Variants in KRT79 observed in about 807,000 individuals in gnomAD.
KRT79 encodes the protein keratin, type II cytoskeletal 79.
In KRT79, 51 loss-of-function variants were observed where a neutral mutation model predicts 49.0. That is an observed-to-expected ratio of 1.04 (90% CI 0.83 to 1.31). The LOEUF is 1.31. KRT79 is among the 40% of genes most tolerant of loss of function. The pLI, the probability that KRT79 is intolerant of heterozygous loss-of-function variation, is 0.00. For synonymous variants in KRT79, 312 were observed against 286.6 expected, an observed-to-expected ratio of 1.09 and a Z score of -0.90; for missense variants, 728 against 688.0, an observed-to-expected ratio of 1.06 and a Z score of -0.65.
At position 52,822,043 on chromosome 12, in the gene KRT79, A is replaced by G. The variant is rs1427664009; in HGVS notation, c.1437T>C (p.Gly479=). Residue 479 remains glycine (G), a synonymous_variant, in exon 9 of 9, where the codon GGT becomes GGC. Transcript: ENST00000330553. ...TGCCACCTCCAAAGCTGGCTGCGCCACCTCCGCACACAGTGGTGGAGTTGC... is the reference window on the plus strand; with the variant it reads ...TGCCACCTCCAAAGCTGGCTGCGCCGCCTCCGCACACAGTGGTGGAGTTGC... ...VTGNSTTVCG[G]GAASFGGGIS... is the part of the protein sequence containing the mutation. 14 of 1,614,100 alleles carry G rather than the reference A, an allele frequency of 8.7e-6. No homozygotes were observed. Among genetic ancestry groups the G allele is most frequent in the African/African-American group, 1.3e-5 (1 of 75,052 alleles).
intron 6 of KRT79, 105 bp from the exon 7 acceptor site, chr12:52,823,341 A>G (rs757944305): frequency 4.6e-6 from 4 of 874,698 alleles, no homozygotes; most frequent in Admixed American, 2.1e-5. Flanking sequence ...CCTGCCCCCA[A>G]CCAGCTGGGA....
At chr12:52,829,910 T>C in intron 4 of KRT79, 113 bp downstream of exon 4, 5 of 873,488 alleles carry the variant, frequency 5.7e-6, no homozygotes, top group South Asian at 4.6e-5. Context: ...AGTGTTAAGG[T>C]TTCATCTTCC....
intron 2 of KRT79, 27 bp downstream of exon 2, chr12:52,831,379 T>C (rs200346502): frequency 1.2e-6 from 2 of 1,606,782 alleles, no homozygotes; most frequent in Admixed American, 1.7e-5. Context: ...CACTCCCACA[T>C]GGCCCCGCCT....
intron 4 of KRT79, among the ~76,000 whole-genome samples, chr12:52,828,235 A>C (rs1215705332): frequency 6.6e-6 from 1 of 152,238 alleles, no homozygotes; most frequent in African/African-American, 2.4e-5. Context: ...CAAGCCTTCC[A>C]TAGCATTCTT....
At chr12:52,826,512 C>CAAAA (rs34000434) in intron 4 of KRT79, among the ~76,000 whole-genome samples, 5 of 102,526 alleles carry the variant, frequency 4.9e-5, no homozygotes, top group African/African-American at 1.5e-4. Context: ...GACCCTGTCT[C>CAAAA]AAAAAAAAAA....
At chr12:52,822,220 T>C (rs1406748443) in intron 8 of KRT79, 125 bp downstream of exon 8, 3 of 1,290,390 alleles carry the variant, frequency 2.3e-6, no homozygotes, top group Non-Finnish European at 3.3e-6. Context: ...TAGGACCCTC[T>C]GAACCTGTCT....
chr12:52,828,639 C>G (rs186015092), intron 4 of KRT79, among the ~76,000 whole-genome samples: 1 of 152,318 alleles, frequency 6.6e-6, no homozygotes, highest in Non-Finnish European at 1.5e-5. Flanking sequence ...TACCCACATA[C>G]AGGAAGTTGG....
intron 8 of KRT79, 85 bp from the exon 9 acceptor site, chr12:52,822,162 C>T (rs1438291700): frequency 1.4e-6 from 2 of 1,432,330 alleles, no homozygotes; most frequent in South Asian, 2.4e-5. Flanking sequence ...GGAATCAGAA[C>T]AAAATCAAGC....
chr12:52,824,619 T>G (rs1940151941), intron 4 of KRT79, among the ~76,000 whole-genome samples: 1 of 152,226 alleles, frequency 6.6e-6, no homozygotes, highest in Admixed American at 6.5e-5. Flanking sequence ...GTAAAGAGAA[T>G]GTGTACTCTC....
Position 52,834,018 on chromosome 12 carries a change from C to A in KRT79, c.243G>T (p.Leu81Phe). 1.9e-6 allele frequency: 3 copies of A among 1,612,860 alleles called. No homozygotes were observed. Among genetic ancestry groups the A allele is most frequent in the Non-Finnish European group, 2.5e-6 (3 of 1,179,414 alleles). ...ISVSVAGGAL[L>F]GRALGGFGFG... is the part of the protein sequence containing the mutation. Reference sequence around the variant, plus strand: ...AGCCAAAGCCCCCCAGAGCCCGCCCCAACAAGGCCCCTCCGGCCACACTGA... The same window carrying A: ...AGCCAAAGCCCCCCAGAGCCCGCCCAAACAAGGCCCCTCCGGCCACACTGA... Residue 81 changes from leucine to phenylalanine, a missense_variant, in exon 1 of 9, where the codon TTG becomes TTT. Coordinates refer to ENST00000330553, the MANE Select transcript of KRT79 (RefSeq NM_175834.3).
At chr12:52,822,204 C>A (rs373284888) in intron 8 of KRT79, 127 bp from the exon 9 acceptor site, 2 of 1,281,604 alleles carry the variant, frequency 1.6e-6, no homozygotes, top group East Asian at 2.5e-5. Flanking sequence ...TAGAGAAGCC[C>A]AGAACTAGGA....
intron 4 of KRT79, among the ~76,000 whole-genome samples, chr12:52,825,494 A>G (rs906309634): frequency 6.6e-6 from 1 of 152,226 alleles, no homozygotes; most frequent in African/African-American, 2.4e-5. Flanking sequence ...AACTTGGCCC[A>G]GATCACAAGC....
intron 5 of KRT79, 62 bp from the exon 6 acceptor site, chr12:52,824,074 G>A (rs561477515): frequency 1.2e-6 from 2 of 1,613,322 alleles, no homozygotes; most frequent in Non-Finnish European, 1.7e-6. Flanking sequence ...CACAGCTGGA[G>A]GCCCCATGCA....
At chr12:52,831,307 A>C (rs1315222623) in intron 2 of KRT79, 99 bp downstream of exon 2, 1 of 1,102,118 alleles carries the variant, frequency 9.1e-7, no homozygotes, top group Admixed American at 1.8e-5. Context: ...TGCATCCCCC[A>C]GGTGGGCCTG....
intron 1 of KRT79, among the ~76,000 whole-genome samples, chr12:52,833,255 C>A (rs1940282089): frequency 6.6e-6 from 1 of 152,140 alleles, no homozygotes; most frequent in Non-Finnish European, 1.5e-5. Context: ...GGGAGCCTAC[C>A]CCTAGGACCC....
intron 1 of KRT79, 69 bp downstream of exon 1, chr12:52,833,715 C>T: frequency 1.5e-6 from 2 of 1,299,778 alleles, no homozygotes; most frequent in Non-Finnish European, 2.2e-6. Flanking sequence ...AGCCCTGGCC[C>T]AGCCCACCCT....
At position 52,830,231 on chromosome 12, in the gene KRT79, C is replaced by T; in HGVS notation, c.759+1G>A. On this transcript the variant is annotated splice_donor_variant, in intron 3 of 8. Transcript: ENST00000330553. LOFTEE classifies it high-confidence loss of function. ...CACCTCCCCCACTCCACTCGGCTCA[C>T]CTTCTTGAGCACCACAAACTCGTTC... 1 of 1,614,226 alleles carries T rather than the reference C, an allele frequency of 6.2e-7. No homozygotes were observed. Among genetic ancestry groups the T allele is most frequent in the Non-Finnish European group, 8.5e-7 (1 of 1,180,028 alleles).
intron 4 of KRT79, among the ~76,000 whole-genome samples, chr12:52,829,271 G>A (rs1479618952): frequency 6.6e-6 from 1 of 152,058 alleles, no homozygotes; most frequent in African/African-American, 2.4e-5. Flanking sequence ...ATCTACCCAC[G>A]CCTCACCTTC....
At chr12:52,824,109 A>G (rs1020100671) in intron 5 of KRT79, 89 bp downstream of exon 5, 4 of 1,611,544 alleles carry the variant, frequency 2.5e-6, no homozygotes, top group Non-Finnish European at 3.4e-6. Context: ...GGCCCCCCGG[A>G]CTCCAAGGGT....
Sources: gnomAD v4.1 joint callset for allele counts (sites outside exome capture counted in the v4.1 genomes callset) on GRCh38, gnomAD v4.1.1 for gene constraint, MANE v1.5 for transcripts, NCBI Gene and HGNC (gene_info 2026-07-23, HGNC 2026-07-21) for gene names.